Variants in SLC9A2 observed in about 807,000 individuals in gnomAD.
SLC9A2 encodes the protein solute carrier family 9 member A2.
A neutral mutation model predicts 71.7 loss-of-function variants in SLC9A2; 42 were observed. The observed-to-expected ratio is 0.59, with a 90% confidence interval of 0.46 to 0.76. SLC9A2 has a LOEUF of 0.76. Among genes scored for constraint, SLC9A2 ranks in the 30% least tolerant of loss-of-function variants. The pLI, the probability that SLC9A2 is intolerant of heterozygous loss-of-function variation, is 0.00. For missense variants in SLC9A2, 829 were observed against 1,017.4 expected (o/e 0.81, Z 2.52); for synonymous variants, 396 against 392.5 (o/e 1.01, Z -0.10).
intron 1 of SLC9A2, among the ~76,000 whole-genome samples, chr2:102,636,842 G>T (rs556263190): frequency 6.6e-6 from 1 of 152,146 alleles, no homozygotes; most frequent in Non-Finnish European, 1.5e-5. Context: ...CAAAGGATCT[G>T]TTCAGAAATA....
intron 1 of SLC9A2, among the ~76,000 whole-genome samples, chr2:102,629,996 C>T (rs571600110): frequency 1.4e-4 from 21 of 152,144 alleles, no homozygotes; most frequent in Non-Finnish European, 4.4e-5. Flanking sequence ...ATTCCTAGAA[C>T]ATGAAAGTAT....
chr2:102,660,393 T>G (rs1444172860), intron 2 of SLC9A2, among the ~76,000 whole-genome samples: 1 of 152,182 alleles, frequency 6.6e-6, no homozygotes, highest in Non-Finnish European at 1.5e-5. Context: ...TTACTTGCCC[T>G]GGCTGAGAGT....
chr2:102,650,261 T>C (rs574900527), intron 1 of SLC9A2, among the ~76,000 whole-genome samples: 6 of 151,870 alleles, frequency 4.0e-5, no homozygotes, highest in Admixed American at 3.9e-4. Flanking sequence ...TAAGTGGGAG[T>C]TGAACAATGA....
chr2:102,627,543 A>C (rs1015199098), intron 1 of SLC9A2, among the ~76,000 whole-genome samples: 2 of 152,038 alleles, frequency 1.3e-5, no homozygotes, highest in South Asian at 2.1e-4. Flanking sequence ...ATTGGAAGTT[A>C]TTTTATGATT....
At chr2:102,700,987 C>A in intron 7 of SLC9A2, 83 bp from the exon 8 acceptor site, 1 of 959,152 alleles carries the variant, frequency 1.0e-6, no homozygotes, top group Non-Finnish European at 1.6e-6. Context: ...CTGGGAATGG[C>A]AGAAATGACT....
chr2:102,668,395 C>T (rs948082778), intron 3 of SLC9A2, among the ~76,000 whole-genome samples: 1 of 152,062 alleles, frequency 6.6e-6, no homozygotes, highest in African/African-American at 2.4e-5. Flanking sequence ...TGCACTTCCA[C>T]ATTGTAATTA....
Position 102,681,403 on chromosome 2 carries a change from T to A in SLC9A2, c.1005-1858T>A, listed in dbSNP as rs114619495. Among the ~76,000 whole-genome samples the A allele has an allele frequency of 8.3e-3, 1,265 of 152,324 alleles. 18 individuals carry two copies. The highest frequency in any genetic ancestry group is 0.028 in the African/African-American group (1,156 of 41,566). ...TGTCTTTAAATCAAACTGCCCAGAT[T>A]CATACCCTGGCACCACCATTTATTA... On this transcript the variant is annotated intron_variant, in intron 3 of 11. Coordinates refer to ENST00000233969, the MANE Select transcript of SLC9A2 (RefSeq NM_003048.6).
intron 3 of SLC9A2, among the ~76,000 whole-genome samples, chr2:102,681,680 T>A (rs1344141445): frequency 1.3e-5 from 2 of 152,222 alleles, no homozygotes; most frequent in Non-Finnish European, 2.9e-5. Flanking sequence ...ATTCCTTCTT[T>A]TGGGAAACCA....
intron 1 of SLC9A2, among the ~76,000 whole-genome samples, chr2:102,634,858 A>G (rs1386316947): frequency 4.6e-5 from 7 of 152,144 alleles, no homozygotes; most frequent in Non-Finnish European, 8.8e-5. Context: ...CTAGGCCTGC[A>G]GGGTTCACAG....
chr2:102,629,705 T>A (rs2310315), intron 1 of SLC9A2, among the ~76,000 whole-genome samples: 86,484 of 151,848 alleles, frequency 0.57, 26,183 homozygotes, highest in African/African-American at 0.77. Context: ...TATATATTCT[T>A]TTGCTATTCT....
At position 102,619,809 on chromosome 2, in the gene SLC9A2, G is replaced by A. The variant is rs368856851; in HGVS notation, c.-40G>A. On this transcript the variant is annotated 5_prime_UTR_variant, in exon 1 of 12. Coordinates refer to ENST00000233969, the MANE Select transcript of SLC9A2 (RefSeq NM_003048.6). The surrounding 1 kb of genome is among the most constrained non-coding windows in gnomAD (Gnocchi z 4.3). ...GGCGCGATGCGTTGAGCGCTCGGAG[G>A]GCCAACCGCCGGTCCCCTTGGCGGC... The A allele has an allele frequency of 1.1e-3, 1,655 of 1,452,146 alleles. No individual in the cohort carries two copies. The highest frequency in any genetic ancestry group is 1.4e-3 in the Non-Finnish European group (1,518 of 1,104,004). 90.0% of individuals were successfully genotyped at this position (1,452,146 alleles called of 1,614,324 possible).
In SLC9A2 at chr2:102,642,284, T is replaced by C. The variant is rs1676598296; in HGVS notation, c.290-15280T>C. 2.0e-5 allele frequency among the ~76,000 whole-genome samples: 3 copies of C among 152,208 alleles called. No individual in the cohort carries two copies. In the South Asian group the frequency reaches 6.2e-4, roughly 31 times the overall value. ...GGCTACCTTTCTGTGTGGTTAAAAT[T>C]GACATTTAGAACCAGTCAGGCTTTC... On this transcript the variant is annotated intron_variant, in intron 1 of 11. Coordinates refer to ENST00000233969, the MANE Select transcript of SLC9A2 (RefSeq NM_003048.6).
chr2:102,683,576 T>C, intron 4 of SLC9A2, 98 bp downstream of exon 4: 2 of 885,634 alleles, frequency 2.3e-6, no homozygotes, highest in South Asian at 3.4e-5. Flanking sequence ...TGGATTCTTT[T>C]ATGTCTGCTT....
chr2:102,662,418 C>T (rs575247006), intron 2 of SLC9A2, among the ~76,000 whole-genome samples: 1 of 152,282 alleles, frequency 6.6e-6, no homozygotes, highest in African/African-American at 2.4e-5. Context: ...GGAGACTCAG[C>T]TCTGTGCTAA....
intron 1 of SLC9A2, among the ~76,000 whole-genome samples, chr2:102,626,371 T>G (rs11886134): frequency 0.55 from 83,297 of 152,000 alleles, 23,794 homozygotes; most frequent in East Asian, 0.77. Flanking sequence ...CTAGCCATAT[T>G]TAGAAAGCCA....
chr2:102,641,529 T>G (rs528993144), intron 1 of SLC9A2, among the ~76,000 whole-genome samples: 2 of 151,804 alleles, frequency 1.3e-5, no homozygotes, highest in East Asian at 3.9e-4. Context: ...CAACTCCTGT[T>G]CACTTCTCAG....
At chr2:102,695,205 T>C in intron 7 of SLC9A2, 92 bp downstream of exon 7, 1 of 923,370 alleles carries the variant, frequency 1.1e-6, no homozygotes, top group East Asian at 2.4e-5. Context: ...TAATTGGAAA[T>C]CTTTCCTGTG....
chr2:102,704,749 T>C, intron 10 of SLC9A2, 74 bp downstream of exon 10: 18 of 1,465,132 alleles, frequency 1.2e-5, no homozygotes, highest in South Asian at 2.3e-5. Flanking sequence ...GCTGATGGTA[T>C]CATCAGCTCT....
intron 1 of SLC9A2, among the ~76,000 whole-genome samples, chr2:102,626,671 C>T (rs868705883): frequency 1.3e-4 from 20 of 152,076 alleles, no homozygotes; most frequent in Admixed American, 3.9e-4. Context: ...GCAATCTGCT[C>T]ATCTGAAAAA....
Sources: gnomAD v4.1 joint callset for allele counts (sites outside exome capture counted in the v4.1 genomes callset) on GRCh38, gnomAD v4.1.1 for gene constraint, Gnocchi (gnomAD v3.1) non-coding constraint, MANE v1.5 for transcripts, NCBI Gene and HGNC (gene_info 2026-07-23, HGNC 2026-07-21) for gene names.